Variants in MPZL1 observed in about 807,000 individuals in gnomAD.
MPZL1 encodes the protein myelin protein zero like 1.
Under a neutral mutation model 29.3 loss-of-function variants are expected in MPZL1, and 16 were observed. The observed-to-expected ratio is 0.55, with a 90% CI of 0.37 to 0.83. The LOEUF (loss-of-function observed/expected upper bound fraction) is 0.83. MPZL1 is among the 40% of genes least tolerant of loss of function. The pLI, the probability that MPZL1 is intolerant of heterozygous loss-of-function variation, is 0.00. For synonymous variants in MPZL1, 143 were observed against 132.0 expected, an observed-to-expected ratio of 1.08 and a Z score of -0.57; for missense variants, 279 against 332.9, an observed-to-expected ratio of 0.84 and a Z score of 1.26.
chr1:167,744,986 C>T (rs140193257), intron 1 of MPZL1, among the ~76,000 whole-genome samples: 6 of 152,216 alleles, frequency 3.9e-5, no homozygotes, highest in South Asian at 4.1e-4. Flanking sequence ...TGCACCAGGA[C>T]GGTACGAAAA....
intron 5 of MPZL1, among the ~76,000 whole-genome samples, chr1:167,783,339 T>A (rs1007386447): frequency 6.6e-6 from 1 of 152,100 alleles, no homozygotes; most frequent in Non-Finnish European, 1.5e-5. Flanking sequence ...AATAAGAAAA[T>A]TTTTTTTCTT....
intron 1 of MPZL1, among the ~76,000 whole-genome samples, chr1:167,736,086 C>T (rs1417597940): frequency 6.6e-6 from 1 of 152,062 alleles, no homozygotes; most frequent in Admixed American, 6.5e-5. Flanking sequence ...TTTTGCTTTC[C>T]TTAACATGGT....
At chr1:167,783,575 G>A (rs746330499) in intron 5 of MPZL1, among the ~76,000 whole-genome samples, 14 of 152,294 alleles carry the variant, frequency 9.2e-5, no homozygotes, top group African/African-American at 2.2e-4. Context: ...AGTTATGTGC[G>A]TTTTTCCTTT....
chr1:167,750,419 C>A (rs1660731354), intron 1 of MPZL1, among the ~76,000 whole-genome samples: 1 of 152,110 alleles, frequency 6.6e-6, no homozygotes, highest in South Asian at 2.1e-4. Flanking sequence ...TTAGGCTGGT[C>A]TCTAACTCCT....
rs955082614 is a variant in MPZL1 at position 167,724,555 on chromosome 1, G to C, written c.91+2313G>C. Among the ~76,000 whole-genome samples the C allele has an allele frequency of 1.8e-4, 27 of 152,302 alleles. 1 individual carries two copies. Among genetic ancestry groups the C allele is most frequent in the Admixed American group, 1.3e-3 (20 of 15,294 alleles). ...ACGTTTGATAGAGCTTGGAAACATT[G>C]ATGCAGGCTTGAAAGAGGAGGTGGA... On this transcript the variant is annotated intron_variant, in intron 1 of 5. Transcript: ENST00000359523.
At chr1:167,740,606 C>T (rs1315650471) in intron 1 of MPZL1, among the ~76,000 whole-genome samples, 1 of 152,150 alleles carries the variant, frequency 6.6e-6, no homozygotes, top group Non-Finnish European at 1.5e-5. Flanking sequence ...CGGCTTGGCT[C>T]TCATCTTCCT....
intron 1 of MPZL1, among the ~76,000 whole-genome samples, chr1:167,740,224 T>G (rs186373559): frequency 2.0e-5 from 3 of 152,340 alleles, no homozygotes; most frequent in Admixed American, 2.0e-4. Flanking sequence ...TTCTCTTGGT[T>G]CTATAGTCCT....
At chr1:167,763,869 C>G (rs576127033) in intron 1 of MPZL1, among the ~76,000 whole-genome samples, 3 of 152,304 alleles carry the variant, frequency 2.0e-5, no homozygotes, top group Middle Eastern at 3.4e-3. Context: ...AAAAAATCTG[C>G]TTGATGCAGT....
chr1:167,757,148 C>T (rs1489271443), intron 1 of MPZL1, among the ~76,000 whole-genome samples: 3 of 152,142 alleles, frequency 2.0e-5, no homozygotes, highest in Admixed American at 6.5e-5. Flanking sequence ...GAGGAAAGAG[C>T]CCACTTCAGC....
chr1:167,750,200 T>TTC (rs1314443537), intron 1 of MPZL1, among the ~76,000 whole-genome samples: 1 of 152,052 alleles, frequency 6.6e-6, no homozygotes, highest in African/African-American at 2.4e-5. Flanking sequence ...CCTTTTCTTT[T>TTC]CTTTTCTTTT....
intron 4 of MPZL1, among the ~76,000 whole-genome samples, chr1:167,775,150 T>A (rs4145460): frequency 0.75 from 114,166 of 152,168 alleles, 43,373 homozygotes; most frequent in African/African-American, 0.86. Context: ...GTTATCAATA[T>A]TTAAGATCCT....
chr1:167,739,803 C>A (rs931919818), intron 1 of MPZL1, among the ~76,000 whole-genome samples: 14 of 152,282 alleles, frequency 9.2e-5, no homozygotes, highest in African/African-American at 3.1e-4. Context: ...TCTTTCCTTA[C>A]CCCTCTTATC....
chr1:167,727,970 T>TGATTCTCC (rs1660184699), intron 1 of MPZL1, among the ~76,000 whole-genome samples: 1 of 151,150 alleles, frequency 6.6e-6, no homozygotes, highest in Non-Finnish European at 1.5e-5. Context: ...CCAGGTTCAG[T>TGATTCTCC]GATTCTCCTG....
At chr1:167,756,429 AT>A (rs11455159) in intron 1 of MPZL1, among the ~76,000 whole-genome samples, 31,651 of 94,770 alleles carry the variant, frequency 0.33, 3,801 homozygotes, top group East Asian at 0.45. Flanking sequence ...GTCTGGCCAG[AT>A]TTTTTTTTTT....
chr1:167,767,495 T>A (rs1661140117), intron 2 of MPZL1, among the ~76,000 whole-genome samples: 1 of 152,238 alleles, frequency 6.6e-6, no homozygotes, highest in Non-Finnish European at 1.5e-5. Context: ...ATTAAGAACA[T>A]GCTGTAATTC....
At chr1:167,778,294 C>A (rs1661413739) in intron 5 of MPZL1, among the ~76,000 whole-genome samples, 1 of 151,786 alleles carries the variant, frequency 6.6e-6, no homozygotes, top group Admixed American at 6.6e-5. Flanking sequence ...GGCACTCCAG[C>A]CTGGGTGACA....
intron 1 of MPZL1, among the ~76,000 whole-genome samples, chr1:167,749,600 C>T (rs187417497): frequency 6.6e-6 from 1 of 152,304 alleles, no homozygotes; most frequent in African/African-American, 2.4e-5. Flanking sequence ...TTACCTGTAA[C>T]ACAGTTCTTC....
At chr1:167,754,446 C>T (rs1476071) in intron 1 of MPZL1, among the ~76,000 whole-genome samples, 1 of 152,078 alleles carries the variant, frequency 6.6e-6, no homozygotes, top group Non-Finnish European at 1.5e-5. Flanking sequence ...CACCAATGTC[C>T]TGTTAACTCA....
At chr1:167,738,666 G>C (rs1660432410) in intron 1 of MPZL1, among the ~76,000 whole-genome samples, 1 of 151,892 alleles carries the variant, frequency 6.6e-6, no homozygotes, top group Non-Finnish European at 1.5e-5. Flanking sequence ...GAGTGAGTGA[G>C]TGAGTTATTG....
Sources: gnomAD v4.1 joint callset for allele counts (sites outside exome capture counted in the v4.1 genomes callset) on GRCh38, gnomAD v4.1.1 for gene constraint, MANE v1.5 for transcripts, NCBI Gene and HGNC (gene_info 2026-07-23, HGNC 2026-07-21) for gene names.